Variants in FGF12 observed in about 807,000 individuals in gnomAD.
FGF12 encodes the protein fibroblast growth factor 12B.
Under a neutral mutation model 23.6 loss-of-function variants are expected in FGF12, and 14 were observed. The observed-to-expected ratio is 0.59, with a 90% CI of 0.39 to 0.93. FGF12 has a LOEUF of 0.93. FGF12 is among the 40% of genes least tolerant of loss of function. FGF12 has a pLI of 0.00. For synonymous variants in FGF12, 62 were observed against 77.3 expected (o/e 0.80, Z 1.04); for missense variants, 175 against 217.8 (o/e 0.80, Z 1.24).
intron 2 of FGF12, among the ~76,000 whole-genome samples, chr3:192,577,114 T>C (rs1372147098): frequency 6.6e-6 from 1 of 151,908 alleles, no homozygotes; most frequent in Non-Finnish European, 1.5e-5. Flanking sequence ...AGATGATGGG[T>C]TAATGGGTGC....
At chr3:192,552,287 A>G (rs1002865397) in intron 2 of FGF12, among the ~76,000 whole-genome samples, 1 of 152,120 alleles carries the variant, frequency 6.6e-6, no homozygotes, top group South Asian at 2.1e-4. Context: ...AGAAAATTCA[A>G]CTATTTGTGA....
intron 4 of FGF12, among the ~76,000 whole-genome samples, chr3:192,322,350 C>T (rs1716590314): frequency 6.6e-6 from 1 of 152,038 alleles, no homozygotes; most frequent in Admixed American, 6.6e-5. Context: ...ATTCCATGTT[C>T]ATGGATTGGA....
At chr3:192,508,909 A>G (rs1724390946) in intron 2 of FGF12, among the ~76,000 whole-genome samples, 1 of 152,152 alleles carries the variant, frequency 6.6e-6, no homozygotes, top group Non-Finnish European at 1.5e-5. Context: ...ACATTAAATC[A>G]AGTAAGGGTT....
At chr3:192,285,677 T>C (rs917436109) in intron 4 of FGF12, among the ~76,000 whole-genome samples, 7 of 152,054 alleles carry the variant, frequency 4.6e-5, no homozygotes, top group Non-Finnish European at 1.0e-4. Context: ...ATACTTTCAT[T>C]TTTGGTGTTT....
intron 3 of FGF12, among the ~76,000 whole-genome samples, chr3:192,341,247 T>C (rs1390556030): frequency 6.6e-6 from 1 of 152,134 alleles, no homozygotes; most frequent in African/African-American, 2.4e-5. Context: ...AATTATGAGC[T>C]GTTAACCTAA....
At chr3:192,675,946 A>G (rs906693942) in intron 2 of FGF12, among the ~76,000 whole-genome samples, 1 of 152,154 alleles carries the variant, frequency 6.6e-6, no homozygotes, top group Non-Finnish European at 1.5e-5. Flanking sequence ...TAAACCCAAT[A>G]CACCACACCA....
At chr3:192,427,994 C>T (rs1396373860) in intron 2 of FGF12, among the ~76,000 whole-genome samples, 1 of 152,214 alleles carries the variant, frequency 6.6e-6, no homozygotes, top group Non-Finnish European at 1.5e-5. Context: ...AGAACTTCAA[C>T]TGTGCTTTGC....
At chr3:192,328,069 C>T (rs897317323) in intron 4 of FGF12, among the ~76,000 whole-genome samples, 69 of 152,262 alleles carry the variant, frequency 4.5e-4, no homozygotes, top group African/African-American at 1.5e-3. Context: ...TTCTTCTGAG[C>T]TGGGGTAAGA....
intron 2 of FGF12, among the ~76,000 whole-genome samples, chr3:192,458,142 A>C (rs979984740): frequency 6.6e-6 from 1 of 152,202 alleles, no homozygotes; most frequent in East Asian, 1.9e-4. Flanking sequence ...TGCCCAGGCG[A>C]AAGTTTGCTG....
intron 4 of FGF12, among the ~76,000 whole-genome samples, chr3:192,252,124 C>T (rs1217463019): frequency 2.0e-5 from 3 of 151,954 alleles, no homozygotes; most frequent in Non-Finnish European, 4.4e-5. Context: ...ACCTGTCTGA[C>T]TAAATTTTGT....
intron 2 of FGF12, among the ~76,000 whole-genome samples, chr3:192,539,851 G>A (rs1266666963): frequency 6.6e-6 from 1 of 151,596 alleles, no homozygotes; most frequent in Non-Finnish European, 1.5e-5. Flanking sequence ...TCCAGTTTTG[G>A]ATTTTTTTTC....
At chr3:192,575,738 G>C (rs1712850634) in intron 2 of FGF12, among the ~76,000 whole-genome samples, 1 of 150,972 alleles carries the variant, frequency 6.6e-6, no homozygotes, top group Non-Finnish European at 1.5e-5. Context: ...GATCTATTCT[G>C]GATCTCTTCT....
chr3:192,556,672 T>C (rs1711789634), intron 2 of FGF12, among the ~76,000 whole-genome samples: 1 of 152,134 alleles, frequency 6.6e-6, no homozygotes, highest in African/African-American at 2.4e-5. Flanking sequence ...CAAATGGACC[T>C]AACAGACATG....
intron 2 of FGF12, among the ~76,000 whole-genome samples, chr3:192,725,505 C>T (rs1719183528): frequency 6.6e-6 from 1 of 152,112 alleles, no homozygotes; most frequent in Admixed American, 6.5e-5. Flanking sequence ...TAGAACTCTA[C>T]TGTTAGCAAT....
chr3:192,666,288 C>T (rs1398910020), intron 2 of FGF12, among the ~76,000 whole-genome samples: 1 of 152,082 alleles, frequency 6.6e-6, no homozygotes, highest in Admixed American at 6.5e-5. Flanking sequence ...AGTCTATGAA[C>T]TTTCTCTACA....
At chr3:192,204,090 T>A (rs1223891571) in intron 4 of FGF12, among the ~76,000 whole-genome samples, 1 of 152,136 alleles carries the variant, frequency 6.6e-6, no homozygotes. Context: ...AGATGGCAAA[T>A]TTCACTTTTC....
intron 2 of FGF12, among the ~76,000 whole-genome samples, chr3:192,682,614 G>T (rs1227520984): frequency 4.6e-5 from 7 of 152,134 alleles, no homozygotes; most frequent in Admixed American, 4.6e-4. Flanking sequence ...CAAAGAATTT[G>T]GTCTTTGTCC....
At chr3:192,723,503 C>T (rs1719103789) in intron 2 of FGF12, among the ~76,000 whole-genome samples, 1 of 152,032 alleles carries the variant, frequency 6.6e-6, no homozygotes, top group Non-Finnish European at 1.5e-5. Flanking sequence ...TGTTGAAATC[C>T]AGATTTGATT....
intron 4 of FGF12, among the ~76,000 whole-genome samples, chr3:192,315,386 C>T (rs1339541978): frequency 6.6e-6 from 1 of 152,138 alleles, no homozygotes; most frequent in African/African-American, 2.4e-5. Flanking sequence ...ATCTCTATTC[C>T]TTTCAAATTT....
Sources: gnomAD v4.1 joint callset for allele counts (sites outside exome capture counted in the v4.1 genomes callset) on GRCh38, gnomAD v4.1.1 for gene constraint, MANE v1.5 for transcripts, NCBI Gene and HGNC (gene_info 2026-07-23, HGNC 2026-07-21) for gene names.